Variants in TMEM266 observed in about 807,000 individuals in gnomAD.
TMEM266 encodes the protein transmembrane protein 266.
In TMEM266, 33 loss-of-function variants were observed where a neutral mutation model predicts 50.5. The ratio of observed to expected loss-of-function variants is 0.65; its 90% CI spans 0.50 to 0.87. TMEM266 has a LOEUF of 0.87. Among genes scored for constraint, TMEM266 ranks in the 40% least tolerant of loss-of-function variants. The pLI, the probability that TMEM266 is intolerant of heterozygous loss-of-function variation, is 0.00. For synonymous variants in TMEM266, 310 were observed against 292.3 expected, an observed-to-expected ratio of 1.06 and a Z score of -0.62; for missense variants, 655 against 695.1, an observed-to-expected ratio of 0.94 and a Z score of 0.65.
At chr15:76,095,341 C>T (rs1487745115) in intron 1 of TMEM266, among the ~76,000 whole-genome samples, 4 of 152,036 alleles carry the variant, frequency 2.6e-5, no homozygotes, top group African/African-American at 7.2e-5. Flanking sequence ...TGAATTTTGT[C>T]AAAGGCCTTT....
chr15:76,174,803 T>C lies in TMEM266; in HGVS notation c.653-756T>C, dbSNP rs528156497. The C allele has an allele frequency of 2.6e-5, 4 of 152,456 alleles. No homozygotes were observed. In the East Asian group the frequency reaches 7.7e-4, roughly 29 times the overall value. 9.4% of individuals were successfully genotyped at this position (152,456 alleles called of 1,614,324 possible). A position where few individuals can be genotyped will look rare whatever the true frequency, so the allele number is the denominator to read the frequency against. ...GTTTTTCTCTGCTGGCCACTCTGATTTAGCATCATGTGTTTGAGGCTCATC... is the reference window on the plus strand; with the variant it reads ...GTTTTTCTCTGCTGGCCACTCTGATCTAGCATCATGTGTTTGAGGCTCATC... On this transcript the variant is annotated intron_variant, in intron 7 of 10. Transcript: ENST00000388942.
chr15:76,159,956 G>A, intron 4 of TMEM266, 139 bp from the exon 5 acceptor site: 1 of 776,302 alleles, frequency 1.3e-6, no homozygotes, highest in South Asian at 1.7e-5. Context: ...CTTGCTCTCT[G>A]ACCCAATTTC....
intron 4 of TMEM266, among the ~76,000 whole-genome samples, chr15:76,157,893 T>C (rs1313878014): frequency 1.3e-5 from 2 of 151,768 alleles, no homozygotes; most frequent in Admixed American, 6.6e-5. Context: ...GAGGCAGAAG[T>C]AGGAGGATCA....
intron 1 of TMEM266, among the ~76,000 whole-genome samples, chr15:76,078,558 A>G (rs141240455): frequency 2.0e-5 from 3 of 152,338 alleles, no homozygotes; most frequent in African/African-American, 7.2e-5. Flanking sequence ...TGGGTCTTCC[A>G]GATACTATCT....
At chr15:76,203,126 C>A (rs2038776125) in intron 10 of TMEM266, among the ~76,000 whole-genome samples, 1 of 152,122 alleles carries the variant, frequency 6.6e-6, no homozygotes, top group Non-Finnish European at 1.5e-5. Context: ...ATCCTCTGAT[C>A]CTGTGATGCA....
In TMEM266 at chr15:76,203,936, G is replaced by C. The variant is rs2038792451; in HGVS notation, c.1217G>C (p.Gly406Ala). The C allele has an allele frequency of 6.2e-7, 1 of 1,613,900 alleles. No individual in the cohort carries two copies. The highest frequency in any genetic ancestry group is 1.3e-5 in the African/African-American group (1 of 74,930). The change falls in exon 11 of 11, where the codon GGC (glycine) becomes GCC (alanine). Residue 406 changes from glycine to alanine, a missense_variant. Around this residue, in one of 3 missense-constraint regions of TMEM266, gnomAD observed 455 missense variants for 401.8 expected, o/e 1.13. Transcript: ENST00000388942. ...CAGAGTGACAGCAGCCAGACGCTGG[G>C]CTCCTCCATGGACTGCAGCACTGCC...
chr15:76,111,890 A>G (rs1032553189), intron 1 of TMEM266: 3 of 152,266 alleles, frequency 2.0e-5, no homozygotes, highest in Non-Finnish European at 4.4e-5. Flanking sequence ...ATGTTCTTCC[A>G]TAGATGAATG....
At chr15:76,157,987 CAAATAAATAAGT>C (rs1567170619) in intron 4 of TMEM266, among the ~76,000 whole-genome samples, 1 of 150,342 alleles carries the variant, frequency 6.7e-6, no homozygotes, top group Admixed American at 6.8e-5. Flanking sequence ...GACCCCATCT[CAAATAAATAAGT>C]AAATAAATAA....
chr15:76,202,816 G>A (rs1434274510), intron 10 of TMEM266, among the ~76,000 whole-genome samples: 6 of 152,200 alleles, frequency 3.9e-5, no homozygotes, highest in Non-Finnish European at 2.9e-5. Flanking sequence ...TGCAGTTCTT[G>A]AGTTTGAATT....
In TMEM266 at chr15:76,156,585, C is replaced by A; in HGVS notation, c.228-19C>A. The A allele has an allele frequency of 1.2e-6, 2 of 1,612,674 alleles. No homozygotes were observed. The highest frequency in any genetic ancestry group is 1.7e-6 in the Non-Finnish European group (2 of 1,179,718). On this transcript the variant is annotated intron_variant, in intron 3 of 10. Coordinates refer to ENST00000388942, the MANE Select transcript of TMEM266 (RefSeq NM_152335.3). ...CCTCCCACTCTGAGCCTCTCTTCTC[C>A]CCACTTTTGTCCCCACAGGTCTAAC...
intron 3 of TMEM266, among the ~76,000 whole-genome samples, chr15:76,138,173 A>G (rs2955740): frequency 0.22 from 32,159 of 148,262 alleles, 4,911 homozygotes; most frequent in African/African-American, 0.42. Flanking sequence ...AGTGAGCTGA[A>G]ATTGCACCAT....
In TMEM266 at chr15:76,204,131, C is replaced by G; in HGVS notation, c.1412C>G (p.Ser471Trp). ...CTCGCCCGGCCCAGCCCAGCGGGCT[C>G]GGCCCAAACCAGCCCCGAGCTGGAA... Residue 471 changes from serine (S) to tryptophan (W), a missense_variant, in exon 11 of 11, where the codon TCG becomes TGG. Physicochemically the swap from Ser to Trp is radical, Grantham distance 177. Transcript: ENST00000388942. 5.0e-6 allele frequency: 8 copies of G among 1,613,288 alleles called. No homozygotes were observed. The highest frequency in any genetic ancestry group is 5.9e-6 in the Non-Finnish European group (7 of 1,179,838).
chr15:76,190,208 G>A (rs1378481626), intron 8 of TMEM266, among the ~76,000 whole-genome samples: 2 of 152,236 alleles, frequency 1.3e-5, no homozygotes, highest in Non-Finnish European at 2.9e-5. Flanking sequence ...GGGGGCCACC[G>A]TGTGATCTGG....
At position 76,106,097 on chromosome 15, in the gene TMEM266, C is replaced by T. The variant is rs533601856; in HGVS notation, c.-96-28071C>T. ...CGGGATCAGGCTTTTCACAAACAAG[C>T]CCTCTGTGTTCATCCTCCCTCTGCA... On this transcript the variant is annotated intron_variant, in intron 1 of 10. Coordinates refer to ENST00000388942, the MANE Select transcript of TMEM266 (RefSeq NM_152335.3). 3.3e-5 allele frequency among the ~76,000 whole-genome samples: 5 copies of T among 152,160 alleles called. No homozygotes were observed. The South Asian group carries it at 6.2e-4, about 19-fold the overall frequency.
chr15:76,159,681 G>C (rs929929451), intron 4 of TMEM266, among the ~76,000 whole-genome samples: 1 of 152,124 alleles, frequency 6.6e-6, no homozygotes, highest in Non-Finnish European at 1.5e-5. Flanking sequence ...GGTGAGCTGT[G>C]GGCTGGATTT....
In TMEM266 at chr15:76,134,232, C is replaced by T. The variant is rs921128492; in HGVS notation, c.-32C>T. 3.8e-5 allele frequency: 61 copies of T among 1,612,586 alleles called. No individual in the cohort carries two copies. Among genetic ancestry groups the T allele is most frequent in the Non-Finnish European group, 4.6e-5 (54 of 1,178,802 alleles). On this transcript the variant is annotated 5_prime_UTR_variant, in exon 2 of 11. Transcript: ENST00000388942. Reference sequence around the variant, plus strand: ...GAAATGCTGACAGCAGGCTTCAGGACAGCTGAGCCCCACTAAACACCAAGA... The same window carrying T: ...GAAATGCTGACAGCAGGCTTCAGGATAGCTGAGCCCCACTAAACACCAAGA...
intron 1 of TMEM266, among the ~76,000 whole-genome samples, chr15:76,124,814 C>T (rs573468873): frequency 1.9e-4 from 29 of 151,868 alleles, no homozygotes; most frequent in African/African-American, 6.5e-4. Flanking sequence ...ACAAAAATTC[C>T]AATGGCACTT....
rs2038018399 is a variant in TMEM266, at chr15:76,161,544, G to A, written c.456+1376G>A. On this transcript the variant is annotated intron_variant, in intron 5 of 10. Coordinates refer to ENST00000388942, the MANE Select transcript of TMEM266 (RefSeq NM_152335.3). The surrounding 1 kb of genome is among the most constrained non-coding windows in gnomAD (Gnocchi z 4.1). ...GTCCAGAATCCTGAGTCCGGGTGTG[G>A]GGTGTGGTGGGCCGGGCAGCAGGCA... Among the ~76,000 whole-genome samples the A allele has an allele frequency of 6.6e-6, 1 of 152,130 alleles. No homozygotes were observed. The highest frequency in any genetic ancestry group is 1.5e-5 in the Non-Finnish European group (1 of 67,996).
chr15:76,108,011 TCTC>T (rs1271784307), intron 1 of TMEM266, among the ~76,000 whole-genome samples: 1 of 152,286 alleles, frequency 6.6e-6, no homozygotes, highest in East Asian at 1.9e-4. Flanking sequence ...TCTCTTCCTT[TCTC>T]CTTACTCTGG....
Sources: gnomAD v4.1 joint callset for allele counts (sites outside exome capture counted in the v4.1 genomes callset) on GRCh38, gnomAD v4.1.1 for gene constraint, gnomAD v4.1.1 regional missense constraint, Gnocchi (gnomAD v3.1) non-coding constraint, MANE v1.5 for transcripts, NCBI Gene and HGNC (gene_info 2026-07-23, HGNC 2026-07-21) for gene names.